Variants in FAM135B observed in about 807,000 individuals in gnomAD.
The protein encoded by FAM135B is protein FAM135B.
FAM135B carries 43 observed loss-of-function variants against 127.7 expected under a neutral mutation model. The observed-to-expected ratio is 0.34, with a 90% CI of 0.26 to 0.43. The LOEUF is 0.43. Among genes scored for constraint, FAM135B ranks in the 20% least tolerant of loss-of-function variants. FAM135B has a pLI of 1.00. For missense variants in FAM135B, 1,558 were observed against 1,725.6 expected (o/e 0.90, Z 1.72); for synonymous variants, 670 against 665.1 (o/e 1.01, Z -0.11).
rs1177645231 is a variant in FAM135B, at chr8:138,243,832, T to C, written c.543-764A>G. Among the ~76,000 whole-genome samples, 1 of 152,246 alleles carries C rather than the reference T, an allele frequency of 6.6e-6. No homozygotes were observed. The highest frequency in any genetic ancestry group is 6.5e-5 in the Admixed American group (1 of 15,286). On this transcript the variant is annotated intron_variant, in intron 6 of 19. Coordinates refer to ENST00000395297, the MANE Select transcript of FAM135B (RefSeq NM_015912.4). The surrounding 1 kb of genome is among the most constrained non-coding windows in gnomAD (Gnocchi z 7.5). ...GTAATGTTCACTTATACTCATATTC[T>C]TTTTTAGATCTCTTCTGTTTCATTT...
intron 19 of FAM135B, among the ~76,000 whole-genome samples, chr8:138,133,758 C>T (rs1320012711): frequency 1.3e-5 from 2 of 152,270 alleles, no homozygotes; most frequent in African/African-American, 2.4e-5. Context: ...AACTCAACAC[C>T]GTTTTCCTTT....
intron 1 of FAM135B, among the ~76,000 whole-genome samples, chr8:138,381,070 C>G: frequency 6.6e-6 from 1 of 152,086 alleles, no homozygotes; most frequent in African/African-American, 2.4e-5. Context: ...ATATCCGGGT[C>G]CTTAGAGTAT....
chr8:138,353,922 A>G (rs569018530), intron 2 of FAM135B, among the ~76,000 whole-genome samples: 4 of 151,760 alleles, frequency 2.6e-5, no homozygotes, highest in Non-Finnish European at 5.9e-5. Context: ...ACTCACATCA[A>G]CTCCTCTTGC....
At chr8:138,197,454 C>A (rs1816746258) in intron 8 of FAM135B, 62 bp downstream of exon 8, 1 of 1,567,316 alleles carries the variant, frequency 6.4e-7, no homozygotes. Flanking sequence ...TTTTCCCCAT[C>A]CCTTGTGTGG....
intron 7 of FAM135B, among the ~76,000 whole-genome samples, chr8:138,224,369 C>T (rs1819250853): frequency 6.6e-6 from 1 of 152,276 alleles, no homozygotes; most frequent in African/African-American, 2.4e-5. Context: ...AGAACTCATG[C>T]ATGCACACAT....
intron 7 of FAM135B, among the ~76,000 whole-genome samples, chr8:138,227,565 C>T (rs980665892): frequency 6.6e-6 from 1 of 152,256 alleles, no homozygotes. Flanking sequence ...AACTGACATA[C>T]AAAAACTGCA....
chr8:138,232,648 T>G (rs28621392), intron 7 of FAM135B, among the ~76,000 whole-genome samples: 6,164 of 152,286 alleles, frequency 0.04, 399 homozygotes, highest in African/African-American at 0.14. Flanking sequence ...TGGGGGAAAG[T>G]GCAAAAGTGC....
chr8:138,215,192 C>T (rs1296229552), intron 7 of FAM135B, among the ~76,000 whole-genome samples: 1 of 152,140 alleles, frequency 6.6e-6, no homozygotes, highest in African/African-American at 2.4e-5. Flanking sequence ...CCACAATCTA[C>T]CTAATCTTGG....
chr8:138,428,013 T>C (rs527697126), intron 1 of FAM135B, among the ~76,000 whole-genome samples: 1 of 152,286 alleles, frequency 6.6e-6, no homozygotes, highest in South Asian at 2.1e-4. Flanking sequence ...ATACTTTGCC[T>C]ACTTCTCCAA....
intron 7 of FAM135B, among the ~76,000 whole-genome samples, chr8:138,218,158 C>T (rs751398641): frequency 2.0e-5 from 3 of 152,138 alleles, no homozygotes; most frequent in African/African-American, 4.8e-5. Flanking sequence ...AAAATGGAAT[C>T]CATGTAGATG....
At chr8:138,274,786 G>A (rs1328985943) in intron 3 of FAM135B, among the ~76,000 whole-genome samples, 1 of 152,102 alleles carries the variant, frequency 6.6e-6, no homozygotes, top group African/African-American at 2.4e-5. Context: ...ATTTGCTTTT[G>A]AAAGAAGAGA....
chr8:138,359,363 C>CA (rs1188099836), intron 2 of FAM135B, among the ~76,000 whole-genome samples: 2 of 152,162 alleles, frequency 1.3e-5, no homozygotes, highest in African/African-American at 4.8e-5. Flanking sequence ...ACTGAAAAGT[C>CA]ATGAGACTGG....
Position 138,243,099 on chromosome 8 carries a change from A to C in FAM135B, c.543-31T>G. The C allele has an allele frequency of 6.3e-7, 1 of 1,590,468 alleles. No individual in the cohort carries two copies. Among genetic ancestry groups the C allele is most frequent in the Non-Finnish European group, 8.6e-7 (1 of 1,168,834 alleles). On this transcript the variant is annotated intron_variant, in intron 6 of 19. Coordinates refer to ENST00000395297, the MANE Select transcript of FAM135B (RefSeq NM_015912.4). The surrounding 1 kb of genome is among the most constrained non-coding windows in gnomAD (Gnocchi z 7.5). ...CAAAAGATAATTGAAAGGGTGAAAA[A>C]GGAGGTAAAGAAAGTGATGGTGCCA...
chr8:138,273,732 CCAGCTCTTG>C (rs1823580321), intron 3 of FAM135B, among the ~76,000 whole-genome samples: 1 of 152,198 alleles, frequency 6.6e-6, no homozygotes, highest in Non-Finnish European at 1.5e-5. Context: ...GCCTGTTCTT[CCAGCTCTTG>C]CAGCTCTTCA....
At chr8:138,442,425 T>A (rs893612473) in intron 1 of FAM135B, among the ~76,000 whole-genome samples, 1 of 151,570 alleles carries the variant, frequency 6.6e-6, no homozygotes, top group Non-Finnish European at 1.5e-5. Flanking sequence ...TACAACATCC[T>A]TTGAAGTGAA....
intron 1 of FAM135B, among the ~76,000 whole-genome samples, chr8:138,482,655 T>C (rs192580391): frequency 1.2e-4 from 18 of 152,282 alleles, no homozygotes; most frequent in Middle Eastern, 3.4e-3. Context: ...TGTTAACTCA[T>C]TTAATCCTCA....
chr8:138,481,076 A>C (rs1345942425), intron 1 of FAM135B, among the ~76,000 whole-genome samples: 1 of 152,248 alleles, frequency 6.6e-6, no homozygotes, highest in East Asian at 1.9e-4. Context: ...CCCTGTTAAA[A>C]GAATTTAAGT....
At chr8:138,179,829 C>T (rs1169577140) in intron 9 of FAM135B, among the ~76,000 whole-genome samples, 1 of 152,124 alleles carries the variant, frequency 6.6e-6, no homozygotes, top group East Asian at 1.9e-4. Flanking sequence ...GCTGGGACTA[C>T]AGGTGCATGC....
intron 6 of FAM135B, 44 bp downstream of exon 6, chr8:138,250,797 G>C (rs1821638470): frequency 6.2e-7 from 1 of 1,603,348 alleles, no homozygotes; most frequent in African/African-American, 1.3e-5. Flanking sequence ...CACCTGCAAT[G>C]GAAGGTGGCT....
Sources: allele counts gnomAD v4.1 joint callset (sites outside exome capture counted in the v4.1 genomes callset), GRCh38; gene constraint gnomAD v4.1.1; non-coding constraint Gnocchi (gnomAD v3.1); transcripts MANE v1.5; gene names NCBI Gene and HGNC (gene_info 2026-07-23, HGNC 2026-07-21).